The following KIRREL3 variants were observed in gnomAD, a reference collection of about 807,000 sequenced individuals.
KIRREL3 encodes kin of IRRE-like protein 3.
KIRREL3 carries 36 observed loss-of-function variants against 89.7 expected under a neutral mutation model. That is an observed-to-expected ratio of 0.40 (90% CI 0.31 to 0.53). The LOEUF is 0.53. Among genes scored for constraint, KIRREL3 ranks in the 20% least tolerant of loss-of-function variants. The probability of loss-of-function intolerance (pLI) is 0.49; values close to 1 mark genes in which losing one functional copy is unlikely to be tolerated. For synonymous variants in KIRREL3, 445 were observed against 441.4 expected (o/e 1.01, Z -0.10); for missense variants, 864 against 1,056.6 (o/e 0.82, Z 2.53).
rs561490854 is a variant in KIRREL3 at position 126,611,927 on chromosome 11, C to T, written c.56-49015G>A. Among the ~76,000 whole-genome samples, 2 of 152,318 alleles carry T rather than the reference C, an allele frequency of 1.3e-5. No homozygotes were observed. Among genetic ancestry groups the T allele is most frequent in the South Asian group, 2.1e-4 (1 of 4,822 alleles). ...TGTCCTTCTCTGGTGACTTTGTCCA[C>T]GTGGATCTTCAGTTCCTTCAACATG... is the stretch of plus-strand genomic sequence containing the variant. On this transcript the variant is annotated intron_variant, in intron 1 of 16. Coordinates refer to ENST00000525144, the MANE Select transcript of KIRREL3 (RefSeq NM_032531.4). This position sits in a 1 kb window ranked among gnomAD's most constrained non-coding sequence, Gnocchi z 4.7.
intron 4 of KIRREL3, among the ~76,000 whole-genome samples, chr11:126,497,876 G>A (rs1957725299): frequency 6.6e-6 from 1 of 152,194 alleles, no homozygotes; most frequent in African/African-American, 2.4e-5. Context: ...TGCCAAGCCT[G>A]GGCCTGAGCC....
At chr11:126,573,014 G>A (rs555368642) in intron 1 of KIRREL3, among the ~76,000 whole-genome samples, 1 of 152,206 alleles carries the variant, frequency 6.6e-6, no homozygotes, top group Non-Finnish European at 1.5e-5. Context: ...AGGGGGCAGA[G>A]AGAAGAACAA....
At position 126,486,253 on chromosome 11, in the gene KIRREL3, G is replaced by A. The variant is rs112478307; in HGVS notation, c.434-12787C>T. 1.4e-3 allele frequency among the ~76,000 whole-genome samples: 211 copies of A among 152,304 alleles called. 3 individuals are homozygous for A. Among genetic ancestry groups the A allele is most frequent in the African/African-American group, 5.0e-3 (207 of 41,556 alleles). ...GCCGCCGTCTGCACAGCAAGGGTGAGAGGGCTTGGGAGAGGCCAGCAGAGA... is the reference window on the plus strand; with the variant it reads ...GCCGCCGTCTGCACAGCAAGGGTGAAAGGGCTTGGGAGAGGCCAGCAGAGA... On this transcript the variant is annotated intron_variant, in intron 4 of 16. Transcript: ENST00000525144. This position sits in a 1 kb window ranked among gnomAD's most constrained non-coding sequence, Gnocchi z 6.2.
chr11:126,527,292 C>G lies in KIRREL3; in HGVS notation c.134-605G>C, dbSNP rs1958793607. ...TGCCATCCTACCGTGTCCTCCCTGT[C>G]CCTTTCTTTTCTGCAGCAGACCTTA... On this transcript the variant is annotated intron_variant, in intron 2 of 16. Transcript: ENST00000525144. This position sits in a 1 kb window ranked among gnomAD's most constrained non-coding sequence, Gnocchi z 4.2. Among the ~76,000 whole-genome samples, 1 of 151,946 alleles carries G rather than the reference C, an allele frequency of 6.6e-6. No homozygotes were observed. The highest frequency in any genetic ancestry group is 2.1e-4 in the South Asian group (1 of 4,812).
intron 1 of KIRREL3, among the ~76,000 whole-genome samples, chr11:126,916,173 G>A (rs1319830231): frequency 6.6e-6 from 1 of 152,164 alleles, no homozygotes; most frequent in East Asian, 1.9e-4. Context: ...TAAAGCAGAT[G>A]AGCCCAGATA....
rs1357145653 is a variant in KIRREL3, at chr11:126,955,905, TTAA to T, written c.55+44547_55+44549del. On this transcript the variant is annotated intron_variant, in intron 1 of 16. Transcript: ENST00000525144. This position sits in a 1 kb window ranked among gnomAD's most constrained non-coding sequence, Gnocchi z 4.6. ...CTGATGCCCCAGTTCTTAAGTATTT[TTAA>T]TATTACCCTGGAAACATGAATTGAA... Among the ~76,000 whole-genome samples, 2 of 152,168 alleles carry T rather than the reference TTAA, an allele frequency of 1.3e-5. No homozygotes were observed. Among genetic ancestry groups the T allele is most frequent in the African/African-American group, 4.8e-5 (2 of 41,440 alleles).
Position 126,574,676 on chromosome 11 carries a change from C to T in KIRREL3, c.56-11764G>A, listed in dbSNP as rs532781928. Reference sequence around the variant, plus strand: ...ACGAGGGTGGCTGGGATAGTGTGTGCTTACATGTGTGCACGCATTTGGAGA... The same window carrying T: ...ACGAGGGTGGCTGGGATAGTGTGTGTTTACATGTGTGCACGCATTTGGAGA... On this transcript the variant is annotated intron_variant, in intron 1 of 16. Transcript: ENST00000525144. The surrounding 1 kb of genome is among the most constrained non-coding windows in gnomAD (Gnocchi z 5.3). 6.6e-6 allele frequency among the ~76,000 whole-genome samples: 1 copy of T among 152,124 alleles called. No individual in the cohort carries two copies. The highest frequency in any genetic ancestry group is 1.5e-5 in the Non-Finnish European group (1 of 68,018).
In KIRREL3 at chr11:126,729,868, C is replaced by A. The variant is rs1047182449; in HGVS notation, c.56-166956G>T. Among the ~76,000 whole-genome samples, 1 of 152,198 alleles carries A rather than the reference C, an allele frequency of 6.6e-6. No homozygotes were observed. The highest frequency in any genetic ancestry group is 1.5e-5 in the Non-Finnish European group (1 of 68,030). On this transcript the variant is annotated intron_variant, in intron 1 of 16. Transcript: ENST00000525144. This position sits in a 1 kb window ranked among gnomAD's most constrained non-coding sequence, Gnocchi z 4.5. ...TTTCCAAATCCTTCTAGTTCATAGG[C>A]TCCTCTGCTCCTAAACCAGTCCTTT...
At chr11:126,500,254 G>T (rs1337917505) in intron 4 of KIRREL3, among the ~76,000 whole-genome samples, 1 of 152,126 alleles carries the variant, frequency 6.6e-6, no homozygotes, top group Non-Finnish European at 1.5e-5. Context: ...ACTGACTGAG[G>T]AGCTGTATTT....
chr11:126,659,423 C>T (rs370959093), intron 1 of KIRREL3, among the ~76,000 whole-genome samples: 10 of 152,118 alleles, frequency 6.6e-5, no homozygotes, highest in East Asian at 1.9e-4. Flanking sequence ...AAGAAGCCTG[C>T]GACTTGTGGG....
Position 126,486,090 on chromosome 11 carries a change from A to C in KIRREL3, c.434-12624T>G, listed in dbSNP as rs1957351972. Among the ~76,000 whole-genome samples the C allele has an allele frequency of 6.6e-6, 1 of 152,282 alleles. No individual in the cohort carries two copies. Among genetic ancestry groups the C allele is most frequent in the African/African-American group, 2.4e-5 (1 of 41,472 alleles). On this transcript the variant is annotated intron_variant, in intron 4 of 16. Coordinates refer to ENST00000525144, the MANE Select transcript of KIRREL3 (RefSeq NM_032531.4). This position sits in a 1 kb window ranked among gnomAD's most constrained non-coding sequence, Gnocchi z 6.2. ...TTGTGAGGAGACAGACGTTTCATTA[A>C]TAATGAGTAGGGATGTAAGTCTCAG...
intron 1 of KIRREL3, among the ~76,000 whole-genome samples, chr11:126,963,062 T>A (rs539855709): frequency 6.6e-6 from 1 of 152,324 alleles, no homozygotes; most frequent in African/African-American, 2.4e-5. Context: ...TTTCCTTTAT[T>A]GCAATGCTCA....
chr11:126,794,854 C>T (rs1220537538), intron 1 of KIRREL3, among the ~76,000 whole-genome samples: 1 of 152,214 alleles, frequency 6.6e-6, no homozygotes, highest in Non-Finnish European at 1.5e-5. Context: ...CTAGATGTCC[C>T]TCACTGGGTG....
At position 126,443,420 on chromosome 11, in the gene KIRREL3, T is replaced by C. The variant is rs1403394106; in HGVS notation, c.1252+1559A>G. Among the ~76,000 whole-genome samples, 1 of 152,158 alleles carries C rather than the reference T, an allele frequency of 6.6e-6. No homozygotes were observed. The highest frequency in any genetic ancestry group is 1.5e-5 in the Non-Finnish European group (1 of 68,040). On this transcript the variant is annotated intron_variant, in intron 10 of 16. Transcript: ENST00000525144. The surrounding 1 kb of genome is among the most constrained non-coding windows in gnomAD (Gnocchi z 7.3). ...GATATACGGAGGCGCGATCAGATGC[T>C]GTTATTTTTAGCCCTGCAGTGCCAA... is the stretch of plus-strand genomic sequence containing the variant.
In KIRREL3 at chr11:126,744,224, T is replaced by C. The variant is rs374497639; in HGVS notation, c.56-181312A>G. Reference sequence around the variant, plus strand: ...GGGACAAAATGGACATTGGTTTGTCTTCTGAAACACACAACTTTTTTTTTT... The same window carrying C: ...GGGACAAAATGGACATTGGTTTGTCCTCTGAAACACACAACTTTTTTTTTT... On this transcript the variant is annotated intron_variant, in intron 1 of 16. Transcript: ENST00000525144. The surrounding 1 kb of genome is among the most constrained non-coding windows in gnomAD (Gnocchi z 4.7). Among the ~76,000 whole-genome samples, 48 of 146,910 alleles carry C rather than the reference T, an allele frequency of 3.3e-4. 1 individual carries two copies. The East Asian group carries it at 9.0e-3, about 27-fold the overall frequency.
rs939585005 is a variant in KIRREL3 at position 126,994,588 on chromosome 11, T to C, written c.55+5867A>G. Among the ~76,000 whole-genome samples the C allele has an allele frequency of 3.9e-5, 6 of 152,210 alleles. No individual in the cohort carries two copies. Among genetic ancestry groups the C allele is most frequent in the African/African-American group, 1.2e-4 (5 of 41,450 alleles). On this transcript the variant is annotated intron_variant, in intron 1 of 16. Transcript: ENST00000525144. This position sits in a 1 kb window ranked among gnomAD's most constrained non-coding sequence, Gnocchi z 5.2. ...ATATAAAGGAAACACTTATCCAATA[T>C]TGACATTTACCAACTTCTAGAAGTA...
At position 126,905,297 on chromosome 11, in the gene KIRREL3, G is replaced by A. The variant is rs1277366279; in HGVS notation, c.55+95158C>T. ...GCTTCCGGGGGGAGCTGCAAGCTGA[G>A]GGGCTGCACCAGGAATACAGGATTC... On this transcript the variant is annotated intron_variant, in intron 1 of 16. Transcript: ENST00000525144. This position sits in a 1 kb window ranked among gnomAD's most constrained non-coding sequence, Gnocchi z 5.0. Among the ~76,000 whole-genome samples, 2 of 152,052 alleles carry A rather than the reference G, an allele frequency of 1.3e-5. No homozygotes were observed. The highest frequency in any genetic ancestry group is 6.5e-5 in the Admixed American group (1 of 15,276).
chr11:126,627,179 G>A lies in KIRREL3; in HGVS notation c.56-64267C>T, dbSNP rs542344351. ...TATTTCAATATAAGCATAAGGAGGTGGAGGTGAGAGAATTTCAGACTGAGG... is the reference window on the plus strand; with the variant it reads ...TATTTCAATATAAGCATAAGGAGGTAGAGGTGAGAGAATTTCAGACTGAGG... On this transcript the variant is annotated intron_variant, in intron 1 of 16. Transcript: ENST00000525144. This position sits in a 1 kb window ranked among gnomAD's most constrained non-coding sequence, Gnocchi z 5.0. Among the ~76,000 whole-genome samples, 1 of 152,292 alleles carries A rather than the reference G, an allele frequency of 6.6e-6. No homozygotes were observed. Among genetic ancestry groups the A allele is most frequent in the East Asian group, 1.9e-4 (1 of 5,182 alleles).
chr11:126,842,377 ATC>A (rs1285320229), intron 1 of KIRREL3, among the ~76,000 whole-genome samples: 2 of 152,034 alleles, frequency 1.3e-5, no homozygotes, highest in African/African-American at 2.4e-5. Context: ...TCAAGTCTAA[ATC>A]TCTCAGGGTT....
Sources: gnomAD v4.1 joint callset for allele counts (sites outside exome capture counted in the v4.1 genomes callset) on GRCh38, gnomAD v4.1.1 for gene constraint, Gnocchi (gnomAD v3.1) non-coding constraint, MANE v1.5 for transcripts, NCBI Gene and HGNC (gene_info 2026-07-23, HGNC 2026-07-21) for gene names.